RPTOR: variants seen among roughly 807,000 people sequenced by gnomAD.
RPTOR encodes regulatory associated protein of MTOR complex 1, also known as regulatory-associated protein of mTOR.
RPTOR carries 21 observed loss-of-function variants against 169.9 expected under a neutral mutation model. That is an observed-to-expected ratio of 0.12 (90% confidence interval 0.09 to 0.18). RPTOR has a LOEUF of 0.18. Ranked by LOEUF, RPTOR falls within the 10% of genes least tolerant of loss-of-function variation. RPTOR has a pLI of 1.00. For synonymous variants in RPTOR, 732 were observed against 753.2 expected (o/e 0.97, Z 0.46); for missense variants, 1,133 against 1,855.9 (o/e 0.61, Z 7.16).
At chr17:80,933,189 C>T (rs2068918570) in intron 24 of RPTOR, among the ~76,000 whole-genome samples, 1 of 152,162 alleles carries the variant, frequency 6.6e-6, no homozygotes, top group Admixed American at 6.5e-5. Context: ...AGAATAAAGC[C>T]ATCTCTGTTC....
chr17:80,648,173 T>TA (rs2065611525), intron 3 of RPTOR, among the ~76,000 whole-genome samples: 1 of 152,112 alleles, frequency 6.6e-6, no homozygotes, highest in Non-Finnish European at 1.5e-5. Context: ...GTATTGATAA[T>TA]AGAGTTGTTT....
At chr17:80,953,265 C>T (rs2069205552) in intron 28 of RPTOR, among the ~76,000 whole-genome samples, 2 of 152,132 alleles carry the variant, frequency 1.3e-5, no homozygotes, top group Non-Finnish European at 2.9e-5. Flanking sequence ...AGTTTCTTCC[C>T]ATAGATTCTT....
At chr17:80,853,782 T>G (rs1019583434) in intron 11 of RPTOR, among the ~76,000 whole-genome samples, 7 of 152,128 alleles carry the variant, frequency 4.6e-5, no homozygotes, top group Non-Finnish European at 7.4e-5. Flanking sequence ...ATCAAGACCA[T>G]CCTGCCTAAT....
At chr17:80,567,297 T>C (rs574836444) in intron 1 of RPTOR, among the ~76,000 whole-genome samples, 1 of 152,048 alleles carries the variant, frequency 6.6e-6, no homozygotes, top group Non-Finnish European at 1.5e-5. Context: ...ATTTTATTTT[T>C]TTTTTTGGTG....
At chr17:80,692,563 CA>C (rs1369826877) in intron 3 of RPTOR, among the ~76,000 whole-genome samples, 1 of 152,096 alleles carries the variant, frequency 6.6e-6, no homozygotes, top group East Asian at 1.9e-4. Flanking sequence ...TCAGGTGATC[CA>C]CCTGCCTTGG....
intron 1 of RPTOR, among the ~76,000 whole-genome samples, chr17:80,622,712 G>C (rs2065363325): frequency 6.6e-6 from 1 of 152,044 alleles, no homozygotes; most frequent in East Asian, 1.9e-4. Flanking sequence ...GACCATCCTG[G>C]GCAACATGAC....
In RPTOR at chr17:80,947,275, G is replaced by A. The variant is rs1176840299; in HGVS notation, c.3189G>A (p.Gly1063=). 2 of 1,604,358 alleles carry A rather than the reference G, an allele frequency of 1.2e-6. No individual in the cohort carries two copies. Among genetic ancestry groups the A allele is most frequent in the East Asian group, 4.6e-5 (2 of 43,748 alleles). ...KGEKLDYFHN[G]NPRYTRVTAM... is the part of the protein sequence containing the mutation. Reference sequence around the variant, plus strand: ...AGAAGCTGGATTATTTCCACAATGGGAACCCTCGGTACACGAGGGTCACTG... The same window carrying A: ...AGAAGCTGGATTATTTCCACAATGGAAACCCTCGGTACACGAGGGTCACTG... Residue 1063 remains glycine (G), a synonymous_variant, in exon 27 of 34, where the codon GGG becomes GGA. Coordinates refer to ENST00000306801, the MANE Select transcript of RPTOR (RefSeq NM_020761.3). This position sits in a 1 kb window ranked among gnomAD's most constrained non-coding sequence, Gnocchi z 4.4.
Position 80,591,392 on chromosome 17 carries a change from T to C in RPTOR, c.163-34299T>C, listed in dbSNP as rs192342958. Among the ~76,000 whole-genome samples the C allele has an allele frequency of 4.0e-3, 595 of 149,992 alleles. 5 individuals carry two copies. Among genetic ancestry groups the C allele is most frequent in the African/African-American group, 0.014 (565 of 40,612 alleles). ...TCCTTCCTTTCTTTTTTTCTTTTTT[T>C]TTTGGAGATGGAGTGTTGCTCTGTC... is the stretch of plus-strand genomic sequence containing the variant. On this transcript the variant is annotated intron_variant, in intron 1 of 33. Transcript: ENST00000306801.
chr17:80,619,231 TG>T (rs895239882), intron 1 of RPTOR, among the ~76,000 whole-genome samples: 1 of 152,046 alleles, frequency 6.6e-6, no homozygotes, highest in Non-Finnish European at 1.5e-5. Flanking sequence ...TTGTTGATGT[TG>T]GGAGGATAAG....
At chr17:80,658,574 T>C (rs1341230997) in intron 3 of RPTOR, among the ~76,000 whole-genome samples, 1 of 152,232 alleles carries the variant, frequency 6.6e-6, no homozygotes, top group African/African-American at 2.4e-5. Flanking sequence ...TGTATCCTTT[T>C]TGGTGCTCCT....
In RPTOR at chr17:80,950,497, G is replaced by A. The variant is rs376338291; in HGVS notation, c.3370+950G>A. 5.3e-4 allele frequency among the ~76,000 whole-genome samples: 81 copies of A among 152,104 alleles called. 1 individual carries two copies. In the South Asian group the frequency reaches 0.011, roughly 21 times the overall value. Reference sequence around the variant, plus strand: ...CTCCAGGGTGGACATTGCCTCGAACGTTGGATTTTTTTTTTTAATGTAGCC... The same window carrying A: ...CTCCAGGGTGGACATTGCCTCGAACATTGGATTTTTTTTTTTAATGTAGCC... On this transcript the variant is annotated intron_variant, in intron 28 of 33. Coordinates refer to ENST00000306801, the MANE Select transcript of RPTOR (RefSeq NM_020761.3).
rs60207638 is a variant in RPTOR, at chr17:80,553,750, C to CTT, written c.162+7967_162+7968dup. ...CACCAGAGGATAGGTGTTTTTTTTT[C>CTT]TTTTTTTTTAAGACGGAATCTTGCT... On this transcript the variant is annotated intron_variant, in intron 1 of 33. Coordinates refer to ENST00000306801, the MANE Select transcript of RPTOR (RefSeq NM_020761.3). 1.4e-4 allele frequency among the ~76,000 whole-genome samples: 21 copies of CTT among 150,074 alleles called. No homozygotes were observed. The South Asian group carries it at 1.7e-3, about 12-fold the overall frequency.
At chr17:80,808,992 T>C (rs2067246455) in intron 7 of RPTOR, among the ~76,000 whole-genome samples, 2 of 152,236 alleles carry the variant, frequency 1.3e-5, no homozygotes, top group African/African-American at 4.8e-5. Flanking sequence ...AGTCTTTGTG[T>C]GGGCATATAT....
At chr17:80,753,890 G>A in intron 5 of RPTOR, 120 bp from the exon 6 acceptor site, 1 of 952,346 alleles carries the variant, frequency 1.1e-6, no homozygotes, top group Non-Finnish European at 1.6e-6. Flanking sequence ...GGACTTTCCA[G>A]TGAAAACTCA....
At chr17:80,596,434 A>T (rs62068298) in intron 1 of RPTOR, among the ~76,000 whole-genome samples, 1 of 151,646 alleles carries the variant, frequency 6.6e-6, no homozygotes. Flanking sequence ...TTTTTTTTAA[A>T]TGTTTATCTT....
intron 6 of RPTOR, among the ~76,000 whole-genome samples, chr17:80,776,274 A>T (rs2143436100): frequency 6.6e-6 from 1 of 151,502 alleles, no homozygotes; most frequent in African/African-American, 2.4e-5. Context: ...TGGGAATAAG[A>T]TCAGTAGGTC....
chr17:80,649,829 G>A lies in RPTOR; in HGVS notation c.348+6019G>A, dbSNP rs59316918. On this transcript the variant is annotated intron_variant, in intron 3 of 33. Coordinates refer to ENST00000306801, the MANE Select transcript of RPTOR (RefSeq NM_020761.3). ...CTGAAAGCTTTTCCACGTGCGTGCC[G>A]TGTTCAGTGAGAACTCTGATTCATG... Among the ~76,000 whole-genome samples, 266 of 152,260 alleles carry A rather than the reference G, an allele frequency of 1.7e-3. 6 individuals are homozygous for A. The East Asian group carries it at 0.046, about 26-fold the overall frequency.
intron 20 of RPTOR, among the ~76,000 whole-genome samples, chr17:80,906,115 G>T (rs375870261): frequency 6.6e-6 from 1 of 152,072 alleles, no homozygotes; most frequent in Non-Finnish European, 1.5e-5. Context: ...GGAGCTAGGC[G>T]GTAGCGAACT....
At chr17:80,822,727 T>C (rs1381912466) in intron 8 of RPTOR, among the ~76,000 whole-genome samples, 1 of 152,206 alleles carries the variant, frequency 6.6e-6, no homozygotes, top group Non-Finnish European at 1.5e-5. Flanking sequence ...TACATGTGTA[T>C]GCATACACGT....
Sources: gnomAD v4.1 joint callset for allele counts (sites outside exome capture counted in the v4.1 genomes callset) on GRCh38, gnomAD v4.1.1 for gene constraint, Gnocchi (gnomAD v3.1) non-coding constraint, MANE v1.5 for transcripts, NCBI Gene and HGNC (gene_info 2026-07-23, HGNC 2026-07-21) for gene names.